The following CNTRL variants were observed in gnomAD, a reference collection of about 807,000 sequenced individuals.
The protein encoded by CNTRL is 110 kDa centrosomal protein.
CNTRL carries 233 observed loss-of-function variants against 303.7 expected under a neutral mutation model. The ratio of observed to expected loss-of-function variants is 0.77; its 90% CI spans 0.69 to 0.86. The LOEUF is 0.86. Ranked by LOEUF, CNTRL falls within the 40% of genes least tolerant of loss-of-function variation. CNTRL has a pLI of 0.00. For missense variants in CNTRL, 2,524 were observed against 2,650.6 expected, an observed-to-expected ratio of 0.95 and a Z score of 1.05; for synonymous variants, 900 against 922.2, an observed-to-expected ratio of 0.98 and a Z score of 0.44.
chr9:121,131,118 G>T (rs187392663), intron 14 of CNTRL, among the ~76,000 whole-genome samples: 11 of 152,318 alleles, frequency 7.2e-5, no homozygotes, highest in African/African-American at 2.6e-4. Flanking sequence ...TTGATTTGGG[G>T]TGGAGAATTC....
chr9:121,141,399 T>A lies in CNTRL; in HGVS notation c.2502T>A (p.Asp834Glu). The change falls in exon 18 of 44, where the codon GAT becomes GAA. Residue 834 changes from aspartate (D) to glutamate (E), a missense_variant. Coordinates refer to ENST00000373855, the MANE Select transcript of CNTRL (RefSeq NM_007018.6). ...TTACTAGCATCCATAGTCCTTCAGA[T>A]GTCTTAGGGAAAAGTCTTGCTGATT... ...TGEMNIHSPS[D>E]VLGKSLADLQ... 1 of 1,613,554 alleles carries A rather than the reference T, an allele frequency of 6.2e-7. No individual in the cohort carries two copies. Among genetic ancestry groups the A allele is most frequent in the East Asian group, 2.2e-5 (1 of 44,880 alleles).
intron 13 of CNTRL, among the ~76,000 whole-genome samples, chr9:121,125,190 C>T (rs565595344): frequency 2.9e-4 from 43 of 146,472 alleles, no homozygotes; most frequent in Non-Finnish European, 5.5e-4. Context: ...TTTTTTGAGA[C>T]GGAGCCTCGC....
At chr9:121,097,371 C>T (rs896934678) in intron 6 of CNTRL, among the ~76,000 whole-genome samples, 1 of 152,064 alleles carries the variant, frequency 6.6e-6, no homozygotes, top group South Asian at 2.1e-4. Flanking sequence ...TTGGGGAAAA[C>T]AATCCCTATA....
In CNTRL at chr9:121,112,653, G is replaced by A. The variant is rs182805144; in HGVS notation, c.1122+75G>A. The A allele has an allele frequency of 1.3e-4, 183 of 1,407,372 alleles. No homozygotes were observed. In the East Asian group the frequency reaches 3.6e-3, roughly 28 times the overall value. The allele number at this position is 1,407,372 out of a possible 1,614,324, so 87.2% of individuals were successfully genotyped here. On this transcript the variant is annotated intron_variant, in intron 9 of 43. Transcript: ENST00000373855. ...TGGAATGGGGGAGGGCAGGTGGTGA[G>A]GACATGTAAGGGATTTGATCAGATA... is the stretch of plus-strand genomic sequence containing the variant.
intron 4 of CNTRL, among the ~76,000 whole-genome samples, chr9:121,093,107 A>G (rs1472383194): frequency 1.3e-5 from 2 of 151,718 alleles, no homozygotes; most frequent in African/African-American, 4.8e-5. Flanking sequence ...GCGCCCTGCC[A>G]TATATTTATT....
At position 121,151,384 on chromosome 9, in the gene CNTRL, C is replaced by CTTTTTTTT. The variant is rs200247383; in HGVS notation, c.3963+903_3963+904insTTTTTTTT. On this transcript the variant is annotated intron_variant, in intron 25 of 43. Coordinates refer to ENST00000373855, the MANE Select transcript of CNTRL (RefSeq NM_007018.6). ...GATTACTTCCTTTTTCTTTTTTCTT[C>CTTTTTTTT]TTCTTTTTTTTTTTTTTTTTTTTTG... 2.2e-3 allele frequency among the ~76,000 whole-genome samples: 203 copies of CTTTTTTTT among 91,458 alleles called. 14 individuals carry two copies. Among genetic ancestry groups the CTTTTTTTT allele is most frequent in the Middle Eastern group, 0.019 (2 of 106 alleles). The allele number at this position is 91,458 out of a possible 152,430, so 60.0% of individuals were successfully genotyped here. A position where few individuals can be genotyped will look rare whatever the true frequency, so the allele number is the denominator to read the frequency against.
At chr9:121,142,323 C>G in intron 19 of CNTRL, 53 bp downstream of exon 19, 2 of 1,468,960 alleles carry the variant, frequency 1.4e-6, no homozygotes, top group Non-Finnish European at 1.8e-6. Context: ...CAGTGTCCTG[C>G]CCACTGGCAA....
chr9:121,175,260 C>T (rs763982584), intron 43 of CNTRL, 36 bp downstream of exon 43: 2 of 1,590,204 alleles, frequency 1.3e-6, no homozygotes, highest in Non-Finnish European at 1.7e-6. Context: ...AAAACAATAG[C>T]CTGAGGTTGT....
At chr9:121,132,056 C>G (rs1351527163) in intron 14 of CNTRL, among the ~76,000 whole-genome samples, 1 of 152,154 alleles carries the variant, frequency 6.6e-6, no homozygotes, top group Admixed American at 6.5e-5. Context: ...CTCTGGCTGC[C>G]CTTACATTTT....
chr9:121,112,401 C>T, intron 8 of CNTRL, 58 bp from the exon 9 acceptor site: 1 of 1,529,690 alleles, frequency 6.5e-7, no homozygotes, highest in Non-Finnish European at 9.0e-7. Flanking sequence ...CATATCATCA[C>T]ACCTTTATAC....
rs145379701 is a variant in CNTRL, at chr9:121,167,642, G to A, written c.5809G>A (p.Glu1937Lys). 5.7e-3 allele frequency: 9,170 copies of A among 1,614,100 alleles called. 82 individuals are homozygous for A. Among genetic ancestry groups the A allele is most frequent in the Middle Eastern group, 6.9e-3 (42 of 6,062 alleles). ...QQLQVLQNEI[E>K]ENKLKLVQQE... ...ACTTCAAGTGCTTCAGAATGAGATT[G>A]AAGAAAACAAGCTCAAACTAGTCCA... Residue 1937 changes from glutamate (E) to lysine (K), a missense_variant, in exon 37 of 44, where the codon GAA (glutamate) becomes AAA (lysine). Transcript: ENST00000373855.
chr9:121,091,564 C>G (rs112790466), intron 4 of CNTRL, among the ~76,000 whole-genome samples: 1 of 151,992 alleles, frequency 6.6e-6, no homozygotes, highest in Non-Finnish European at 1.5e-5. Flanking sequence ...AAGCAGCAGC[C>G]GGGCGCAGTG....
intron 31 of CNTRL, among the ~76,000 whole-genome samples, chr9:121,159,660 G>T (rs1354451426): frequency 1.3e-5 from 2 of 151,062 alleles, no homozygotes; most frequent in African/African-American, 4.9e-5. Context: ...ACCCTGGCTG[G>T]TGACAGAGTG....
intron 5 of CNTRL, among the ~76,000 whole-genome samples, 159 bp downstream of exon 5, chr9:121,095,177 G>A (rs1048240090): frequency 7.2e-5 from 11 of 152,096 alleles, no homozygotes; most frequent in African/African-American, 2.2e-4. Flanking sequence ...TTCACATATG[G>A]TAGGTAACTG....
At chr9:121,146,426 T>C (rs2051858865) in intron 23 of CNTRL, among the ~76,000 whole-genome samples, 170 bp downstream of exon 23, 1 of 152,140 alleles carries the variant, frequency 6.6e-6, no homozygotes, top group African/African-American at 2.4e-5. Flanking sequence ...AGGGCCTTCT[T>C]GGGGAAGGTG....
rs754551017 is a variant in CNTRL, at chr9:121,094,940, A to G, written c.401A>G (p.Tyr134Cys). 2.6e-5 allele frequency: 41 copies of G among 1,595,664 alleles called. No individual in the cohort carries two copies. Among genetic ancestry groups the G allele is most frequent in the Non-Finnish European group, 3.4e-5 (40 of 1,166,662 alleles). Residue 134 changes from tyrosine (Y) to cysteine (C), a missense_variant, in exon 5 of 44, where the codon TAT (tyrosine) becomes TGT (cysteine). Tyr to Cys is a radical substitution (Grantham distance 194). Transcript: ENST00000373855. ...AAACTTGAAGTACTGAATCTCAGCTATAATCTAATAGGGAAGATTGAAAAG... is the reference window on the plus strand; with the variant it reads ...AAACTTGAAGTACTGAATCTCAGCTGTAATCTAATAGGGAAGATTGAAAAG... Reference protein sequence around the residue: ...CVKLEVLNLSYNLIGKIEKLD... With the variant: ...CVKLEVLNLSCNLIGKIEKLD...
chr9:121,077,210 A>G (rs1031409913), intron 1 of CNTRL, among the ~76,000 whole-genome samples: 3 of 151,990 alleles, frequency 2.0e-5, no homozygotes, highest in African/African-American at 7.3e-5. Context: ...TTAAAATACA[A>G]CTGCAGCTCT....
At chr9:121,085,132 A>C (rs1234366478) in intron 2 of CNTRL, among the ~76,000 whole-genome samples, 1 of 152,234 alleles carries the variant, frequency 6.6e-6, no homozygotes, top group African/African-American at 2.4e-5. Context: ...TTCAGAAACG[A>C]TATTTAACAA....
chr9:121,170,238 G>T (rs2053249785), intron 39 of CNTRL, among the ~76,000 whole-genome samples: 1 of 152,164 alleles, frequency 6.6e-6, no homozygotes, highest in South Asian at 2.1e-4. Flanking sequence ...CTGCTTCCTG[G>T]GTTCAAGCGA....
Sources: gnomAD v4.1 joint callset for allele counts (sites outside exome capture counted in the v4.1 genomes callset) on GRCh38, gnomAD v4.1.1 for gene constraint, MANE v1.5 for transcripts, NCBI Gene and HGNC (gene_info 2026-07-23, HGNC 2026-07-21) for gene names.